Variants in CAMSAP3 observed in about 807,000 individuals in gnomAD.
CAMSAP3 encodes the protein calmodulin-regulated spectrin-associated protein 3.
A neutral mutation model predicts 112.5 loss-of-function variants in CAMSAP3; 34 were observed. The ratio of observed to expected loss-of-function variants is 0.30; its 90% CI spans 0.23 to 0.40. CAMSAP3 has a LOEUF of 0.40. Among genes scored for constraint, CAMSAP3 ranks in the 10% least tolerant of loss-of-function variants. The pLI, the probability that CAMSAP3 is intolerant of heterozygous loss-of-function variation, is 1.00. For missense variants in CAMSAP3, 1,602 were observed against 1,770.3 expected (o/e 0.90, Z 1.71); for synonymous variants, 868 against 799.8 (o/e 1.09, Z -1.44).
chr19:7,608,081 TG>T, intron 4 of CAMSAP3, 44 bp from the exon 5 acceptor site: 1 of 1,591,976 alleles, frequency 6.3e-7, no homozygotes. Context: ...CCGCTGACCC[TG>T]GGGGCCAGCC....
chr19:7,609,883 C>T (rs1257139827), intron 5 of CAMSAP3, among the ~76,000 whole-genome samples: 8 of 152,108 alleles, frequency 5.3e-5, no homozygotes, highest in Admixed American at 2.0e-4. Flanking sequence ...GCTGATCTGA[C>T]GGAAGCGGGG....
chr19:7,618,241 AG>A lies in CAMSAP3; in HGVS notation c.*187del, dbSNP rs1366060048. On this transcript the variant is annotated 3_prime_UTR_variant, in exon 17 of 17. Coordinates refer to ENST00000160298, the MANE Select transcript of CAMSAP3 (RefSeq NM_020902.2). ...GCTGAGCTGGGAGGTTCAGGGACTCAGGGCTCAGCTCAGTCCCCTTGTCTGT... is the reference window on the plus strand; with the variant it reads ...GCTGAGCTGGGAGGTTCAGGGACTCAGGCTCAGCTCAGTCCCCTTGTCTGT... 17 of 630,414 alleles carry A rather than the reference AG, an allele frequency of 2.7e-5. No individual in the cohort carries two copies. The highest frequency in any genetic ancestry group is 2.4e-4 in the Admixed American group (8 of 33,744). 39.1% of individuals were successfully genotyped at this position (630,414 alleles called of 1,614,324 possible). A position where few individuals can be genotyped will look rare whatever the true frequency, so the allele number is the denominator to read the frequency against.
In CAMSAP3 at chr19:7,617,163, C is replaced by T. The variant is rs1038906733; in HGVS notation, c.3213-163C>T. On this transcript the variant is annotated intron_variant, in intron 14 of 16. Transcript: ENST00000160298. This position sits in a 1 kb window ranked among gnomAD's most constrained non-coding sequence, Gnocchi z 7.5. ...AACTCCCGACCTCAAGTGATCTGCC[C>T]GCTTTGGCCTCCCGAAGTGCTGGGA... Among the ~76,000 whole-genome samples, 3 of 152,080 alleles carry T rather than the reference C, an allele frequency of 2.0e-5. No individual in the cohort carries two copies. The highest frequency in any genetic ancestry group is 2.1e-4 in the South Asian group (1 of 4,820).
In CAMSAP3 at chr19:7,609,824, C is replaced by T. The variant is rs1335055883; in HGVS notation, c.761-652C>T. On this transcript the variant is annotated intron_variant, in intron 5 of 16. Coordinates refer to ENST00000160298, the MANE Select transcript of CAMSAP3 (RefSeq NM_020902.2). ...GAGGGTGCAACCTAGATCCCTCACA[C>T]GCCAGGTTCACAATAGGGTTCGCGC... Among the ~76,000 whole-genome samples the T allele has an allele frequency of 7.2e-5, 11 of 152,108 alleles. No homozygotes were observed. The East Asian group carries it at 9.6e-4, about 13-fold the overall frequency.
In CAMSAP3 at chr19:7,617,177, G is replaced by A. The variant is rs576091919; in HGVS notation, c.3213-149G>A. 63 of 655,774 alleles carry A rather than the reference G, an allele frequency of 9.6e-5. No homozygotes were observed. The highest frequency in any genetic ancestry group is 7.6e-4 in the African/African-American group (42 of 55,286). The allele number at this position is 655,774 out of a possible 1,614,324, so 40.6% of individuals were successfully genotyped here. ...AGTGATCTGCCCGCTTTGGCCTCCC[G>A]AAGTGCTGGGATTACAGGCATGAGC... On this transcript the variant is annotated intron_variant, in intron 14 of 16. Transcript: ENST00000160298. The surrounding 1 kb of genome is among the most constrained non-coding windows in gnomAD (Gnocchi z 7.5).
In CAMSAP3 at chr19:7,612,626, C is replaced by T; in HGVS notation, c.2133C>T (p.Ser711=). 1 of 1,524,296 alleles carries T rather than the reference C, an allele frequency of 6.6e-7. No individual in the cohort carries two copies. The highest frequency in any genetic ancestry group is 8.8e-7 in the Non-Finnish European group (1 of 1,138,202). 94.4% of individuals were successfully genotyped at this position (1,524,296 alleles called of 1,614,324 possible). A position where few individuals can be genotyped will look rare whatever the true frequency, so the allele number is the denominator to read the frequency against. ...TCAGCAAGCTGAGTGCCGCCTTGAG[C>T]TCGCTGCAGCGGGACATGCAGAGGC... The part of the protein sequence containing the change: ...RAVSKLSAAL[S]SLQRDMQRLT... Residue 711 remains serine, a synonymous_variant, in exon 11 of 17, where the codon AGC becomes AGT. Transcript: ENST00000160298.
intron 2 of CAMSAP3, 104 bp from the exon 3 acceptor site, chr19:7,606,167 C>CCCCCAA: frequency 1.2e-6 from 1 of 841,178 alleles, no homozygotes; most frequent in Non-Finnish European, 1.8e-6. Flanking sequence ...CCCCCCCCGT[C>CCCCCAA]AAGTCCCTCC....
chr19:7,606,194 C>T, intron 2 of CAMSAP3, 77 bp from the exon 3 acceptor site: 1 of 1,229,878 alleles, frequency 8.1e-7, no homozygotes, highest in Non-Finnish European at 1.1e-6. Flanking sequence ...CAGGTTCTTC[C>T]TTTTCCCAGG....
Position 7,613,120 on chromosome 19 carries a change from C to G in CAMSAP3, c.2627C>G (p.Ser876Cys). 2.6e-6 allele frequency: 4 copies of G among 1,541,026 alleles called. No homozygotes were observed. Among genetic ancestry groups the G allele is most frequent in the Non-Finnish European group, 3.5e-6 (4 of 1,144,110 alleles). ...GAEDSLEEEASSEGEPRVGLG... is the reference protein window; with the variant it reads ...GAEDSLEEEACSEGEPRVGLG... ...GAGGATTCCTTGGAGGAGGAGGCGT[C>G]TTCGGAGGGGGAGCCCCGGGTGGGG... The change falls in exon 11 of 17, where the codon TCT becomes TGT. Residue 876 changes from serine to cysteine, a missense_variant. This residue lies in a region of CAMSAP3 where 1,100 missense variants were observed against 1,135.7 expected (regional missense o/e 0.97). Transcript: ENST00000160298.
chr19:7,612,157 C>G lies in CAMSAP3; in HGVS notation c.1664C>G (p.Pro555Arg). 6.2e-7 allele frequency: 1 copy of G among 1,612,256 alleles called. No individual in the cohort carries two copies. The stretch of plus-strand genomic sequence containing the variant: ...TCCCCGAAGGCGGTGGCTTCGTCCC[C>G]AGCAGCCACCAACTCCGAGGTGAAA... ...EGSPKAVASS[P>R]AATNSEVKMT... is the part of the protein sequence containing the mutation. The change falls in exon 11 of 17, where the codon CCA (proline) becomes CGA (arginine). Residue 555 changes from proline (P) to arginine (R), a missense_variant. Physicochemically the swap from Pro to Arg is moderately radical, Grantham distance 103 (BLOSUM62 -2). This residue lies in a region of CAMSAP3 where 1,100 missense variants were observed against 1,135.7 expected (regional missense o/e 0.97). Coordinates refer to ENST00000160298, the MANE Select transcript of CAMSAP3 (RefSeq NM_020902.2).
In CAMSAP3 at chr19:7,616,950, T is replaced by TTTG. The variant is rs1555763690; in HGVS notation, c.3212+330_3212+331insGTT. Among the ~76,000 whole-genome samples, 7 of 133,728 alleles carry TTTG rather than the reference T, an allele frequency of 5.2e-5. No homozygotes were observed. In the South Asian group the frequency reaches 1.5e-3, roughly 29 times the overall value. 87.7% of individuals were successfully genotyped at this position (133,728 alleles called of 152,430 possible). ...GTGGCCCGCCTTTTTTTTTTTTTTT[T>TTTG]TTTTTTTTGTTTTTTTGAGAGGGAG... On this transcript the variant is annotated intron_variant, in intron 14 of 16. Coordinates refer to ENST00000160298, the MANE Select transcript of CAMSAP3 (RefSeq NM_020902.2).
chr19:7,597,506 AAAG>A (rs1176344927), intron 1 of CAMSAP3, among the ~76,000 whole-genome samples: 1 of 152,078 alleles, frequency 6.6e-6, no homozygotes, highest in East Asian at 1.9e-4. Flanking sequence ...CCCTTCTATA[AAAG>A]AAGGCGTTCA....
chr19:7,616,053 A>C (rs62113428), intron 13 of CAMSAP3, among the ~76,000 whole-genome samples: 1 of 151,800 alleles, frequency 6.6e-6, no homozygotes, highest in East Asian at 1.9e-4. Context: ...AGCCGGGCAT[A>C]TGGCATGCCT....
At chr19:7,613,771 G>A (rs908216653) in intron 11 of CAMSAP3, among the ~76,000 whole-genome samples, 1 of 151,812 alleles carries the variant, frequency 6.6e-6, no homozygotes, top group East Asian at 1.9e-4. Context: ...TCACCCCCTC[G>A]CCCCCAGCAC....
In CAMSAP3 at chr19:7,612,604, G is replaced by C. The variant is rs1441863469; in HGVS notation, c.2111G>C (p.Ser704Thr). Reference sequence around the variant, plus strand: ...CTGGGGGAATACAATCGAGCGGTCAGCAAGCTGAGTGCCGCCTTGAGCTCG... The same window carrying C: ...CTGGGGGAATACAATCGAGCGGTCACCAAGCTGAGTGCCGCCTTGAGCTCG... ...EGLGEYNRAV[S>T]KLSAALSSLQ... Residue 704 changes from serine to threonine, a missense_variant, in exon 11 of 17, where the codon AGC becomes ACC. Around this residue, in one of 6 missense-constraint regions of CAMSAP3, gnomAD observed 1,100 missense variants for 1,135.7 expected, o/e 0.97. Coordinates refer to ENST00000160298, the MANE Select transcript of CAMSAP3 (RefSeq NM_020902.2). 1 of 1,531,102 alleles carries C rather than the reference G, an allele frequency of 6.5e-7. No individual in the cohort carries two copies. The highest frequency in any genetic ancestry group is 2.5e-5 in the East Asian group (1 of 40,724). The allele number at this position is 1,531,102 out of a possible 1,614,324, so 94.8% of individuals were successfully genotyped here.
chr19:7,610,734 T>C lies in CAMSAP3; in HGVS notation c.935T>C (p.Met312Thr), dbSNP rs745715445. The C allele has an allele frequency of 1.9e-6, 3 of 1,614,010 alleles. No homozygotes were observed. Among genetic ancestry groups the C allele is most frequent in the Non-Finnish European group, 2.5e-6 (3 of 1,179,998 alleles). ...GTGGTGATGCTGGCCGAGTTGTTCA[T>C]GTGTTTTGAGGTGCTCAAGCCCGAC... ...NLVVMLAELF[M>T]CFEVLKPDFV... Residue 312 changes from methionine (M) to threonine (T), a missense_variant, in exon 7 of 17, where the codon ATG becomes ACG. By Grantham distance (81) the Met-to-Thr change is moderately conservative. This residue lies in a region of CAMSAP3 where 1,100 missense variants were observed against 1,135.7 expected (regional missense o/e 0.97). Transcript: ENST00000160298. The surrounding 1 kb of genome is among the most constrained non-coding windows in gnomAD (Gnocchi z 4.9).
In CAMSAP3 at chr19:7,612,216, G is replaced by T. The variant is rs1436782676; in HGVS notation, c.1723G>T (p.Val575Leu). 1 of 1,599,726 alleles carries T rather than the reference G, an allele frequency of 6.3e-7. No homozygotes were observed. The change falls in exon 11 of 17, where the codon GTG (valine) becomes TTG (leucine). Residue 575 changes from valine to leucine, a missense_variant. By Grantham distance (32) the Val-to-Leu change is conservative (BLOSUM62 1). Around this residue, in one of 6 missense-constraint regions of CAMSAP3, gnomAD observed 1,100 missense variants for 1,135.7 expected, o/e 0.97. Transcript: ENST00000160298. ...CTTTGCAGAACGCAAGAAACAGCTG[G>T]TGAAGGCAGAGGCTGAGGCCGGAGC... is the stretch of plus-strand genomic sequence containing the variant. The part of the protein sequence containing the change: ...TSFAERKKQL[V>L]KAEAEAGAGS...
At chr19:7,614,326 T>A (rs1317226637) in intron 11 of CAMSAP3, among the ~76,000 whole-genome samples, 10 of 139,508 alleles carry the variant, frequency 7.2e-5, no homozygotes, top group Non-Finnish European at 1.6e-4. Context: ...CCTTTTCATT[T>A]TTTTTTTTTG....
intron 5 of CAMSAP3, among the ~76,000 whole-genome samples, chr19:7,609,568 A>C (rs1222760449): frequency 6.6e-6 from 1 of 152,178 alleles, no homozygotes; most frequent in Admixed American, 6.5e-5. Context: ...GTTTTGTGGA[A>C]GACAATTTTT....
Sources: gnomAD v4.1 joint callset for allele counts (sites outside exome capture counted in the v4.1 genomes callset) on GRCh38, gnomAD v4.1.1 for gene constraint, gnomAD v4.1.1 regional missense constraint, Gnocchi (gnomAD v3.1) non-coding constraint, MANE v1.5 for transcripts, NCBI Gene and HGNC (gene_info 2026-07-23, HGNC 2026-07-21) for gene names.